The following SOX6 variants were observed in gnomAD, a reference collection of about 807,000 sequenced individuals.
SOX6 encodes the protein transcription factor SOX-6.
In SOX6, 11 loss-of-function variants were observed where a neutral mutation model predicts 97.8. That is an observed-to-expected ratio of 0.11 (90% CI 0.07 to 0.19). SOX6 has a LOEUF of 0.19. Among genes scored for constraint, SOX6 ranks in the 10% least tolerant of loss-of-function variants. The pLI is 1.00. For synonymous variants in SOX6, 360 were observed against 371.4 expected (o/e 0.97, Z 0.35); for missense variants, 810 against 1,039.5 (o/e 0.78, Z 3.04).
At chr11:16,239,369 A>C (rs1853117476) in intron 3 of SOX6, among the ~76,000 whole-genome samples, 1 of 152,058 alleles carries the variant, frequency 6.6e-6, no homozygotes. Context: ...ACAAGGGAGT[A>C]TAAATAGAGG....
chr11:16,056,503 T>C (rs1273787426), intron 9 of SOX6, among the ~76,000 whole-genome samples: 1 of 152,152 alleles, frequency 6.6e-6, no homozygotes, highest in South Asian at 2.1e-4. Context: ...TATGGCCAGA[T>C]TGGTAGCAGT....
chr11:16,350,871 C>T (rs971300405), intron 1 of SOX6, among the ~76,000 whole-genome samples: 8 of 152,006 alleles, frequency 5.3e-5, no homozygotes, highest in Admixed American at 5.2e-4. Context: ...CGTAGACAAT[C>T]AATACTATGG....
chr11:15,972,844 C>T lies in SOX6; in HGVS notation c.2452G>A (p.Glu818Lys). Residue 818 changes from glutamate to lysine, a missense_variant, in exon 16 of 16, where the codon GAA becomes AAA. Glu to Lys is a moderately conservative substitution (Grantham distance 56, BLOSUM62 1). Coordinates refer to ENST00000683767, the MANE Select transcript of SOX6 (RefSeq NM_001367873.1). ...CTGACAGCCTCCGGGGCTTCATTTTCACTGCTATAGTCTGATTTGGGGTCA... is the reference window on the plus strand; with the variant it reads ...CTGACAGCCTCCGGGGCTTCATTTTTACTGCTATAGTCTGATTTGGGGTCA... ...EDDPKSDYSSENEAPEAVSAN is the reference protein window; with the variant it reads ...EDDPKSDYSSKNEAPEAVSAN 1 of 1,614,200 alleles carries T rather than the reference C, an allele frequency of 6.2e-7. No homozygotes were observed. Among genetic ancestry groups the T allele is most frequent in the Non-Finnish European group, 8.5e-7 (1 of 1,180,020 alleles).
intron 3 of SOX6, among the ~76,000 whole-genome samples, chr11:16,662,501 A>G (rs1847773340): frequency 6.6e-6 from 1 of 152,228 alleles, no homozygotes; most frequent in Non-Finnish European, 1.5e-5. Flanking sequence ...ATCCTTAACA[A>G]AACATTGGCA....
At chr11:16,712,936 G>A (rs1848192528) in intron 3 of SOX6, among the ~76,000 whole-genome samples, 1 of 152,174 alleles carries the variant, frequency 6.6e-6, no homozygotes, top group South Asian at 2.1e-4. Flanking sequence ...AGGTGTGACT[G>A]ATTCCAAACA....
At chr11:16,098,269 T>C (rs565263222) in intron 7 of SOX6, among the ~76,000 whole-genome samples, 1 of 151,962 alleles carries the variant, frequency 6.6e-6, no homozygotes, top group East Asian at 1.9e-4. Flanking sequence ...AGAAACCATG[T>C]TTGTCTGGAT....
intron 12 of SOX6, among the ~76,000 whole-genome samples, chr11:16,023,542 TC>T: frequency 6.6e-6 from 1 of 152,298 alleles, no homozygotes; most frequent in East Asian, 1.9e-4. Flanking sequence ...TAGAGTGATC[TC>T]CTGGTCAGGG....
intron 4 of SOX6, among the ~76,000 whole-genome samples, chr11:16,608,788 T>C (rs1421215819): frequency 1.3e-5 from 2 of 152,212 alleles, no homozygotes; most frequent in Non-Finnish European, 2.9e-5. Context: ...ATTGTTATAC[T>C]GTTATATGGA....
At chr11:16,281,799 T>C (rs1854572254) in intron 3 of SOX6, among the ~76,000 whole-genome samples, 1 of 151,690 alleles carries the variant, frequency 6.6e-6, no homozygotes, top group South Asian at 2.1e-4. Context: ...GATTTTCCCA[T>C]GATGATACAC....
At chr11:16,228,043 CA>C (rs1446343502) in intron 4 of SOX6, among the ~76,000 whole-genome samples, 1 of 151,904 alleles carries the variant, frequency 6.6e-6, no homozygotes, top group Admixed American at 6.6e-5. Context: ...ACTAAAAATA[CA>C]AAAACTAGCC....
In SOX6 at chr11:16,674,144, C is replaced by T. The variant is rs530667287; in HGVS notation, n.429+40686G>A. Among the ~76,000 whole-genome samples, 205 of 139,306 alleles carry T rather than the reference C, an allele frequency of 1.5e-3. 1 individual carries two copies. Among genetic ancestry groups the T allele is most frequent in the African/African-American group, 3.6e-3 (134 of 37,276 alleles). 91.4% of individuals were successfully genotyped at this position (139,306 alleles called of 152,430 possible). ...GGTGGAGCTTGCAGTGAGTCGAGAT[C>T]GTGCCACTGCACTCCAGCCTGGGCG... On this transcript the variant is annotated intron_variant and non_coding_transcript_variant, in intron 3 of 5. Transcript: ENST00000524520.
chr11:16,451,619 G>A (rs1057412920), intron 1 of SOX6, among the ~76,000 whole-genome samples: 6 of 152,112 alleles, frequency 3.9e-5, no homozygotes, highest in African/African-American at 1.4e-4. Flanking sequence ...TAAAATAAGA[G>A]CCCTACTAAC....
chr11:16,660,528 C>T (rs1045745904), intron 3 of SOX6, among the ~76,000 whole-genome samples: 4 of 152,140 alleles, frequency 2.6e-5, no homozygotes, highest in South Asian at 2.1e-4. Context: ...TAGGTGAATG[C>T]TCTATGTGAG....
Position 15,967,536 on chromosome 11 carries a change from C to T in SOX6, c.*5273G>A, listed in dbSNP as rs1853173276. On this transcript the variant is annotated 3_prime_UTR_variant, in exon 16 of 16. Transcript: ENST00000683767. ...CTTGTCTAAGGTAATAAAAATTTTACATGGCAAATACAATAATGAATGAAC... is the reference window on the plus strand; with the variant it reads ...CTTGTCTAAGGTAATAAAAATTTTATATGGCAAATACAATAATGAATGAAC... 6.6e-6 allele frequency: 1 copy of T among 152,306 alleles called. No homozygotes were observed. The highest frequency in any genetic ancestry group is 1.9e-4 in the East Asian group (1 of 5,188). The allele number at this position is 152,306 out of a possible 1,614,324, so 9.4% of individuals were successfully genotyped here. A position where few individuals can be genotyped will look rare whatever the true frequency, so the allele number is the denominator to read the frequency against.
At chr11:16,668,836 G>A (rs1406403587) in intron 3 of SOX6, among the ~76,000 whole-genome samples, 1 of 152,074 alleles carries the variant, frequency 6.6e-6, no homozygotes, top group East Asian at 1.9e-4. Context: ...GGGTCAACGA[G>A]GATAAACAAT....
intron 3 of SOX6, among the ~76,000 whole-genome samples, chr11:16,650,095 T>C (rs1172933797): frequency 3.9e-5 from 6 of 152,070 alleles, no homozygotes; most frequent in Non-Finnish European, 8.8e-5. Flanking sequence ...CAAGCCTAAA[T>C]ACATATGCAC....
At chr11:16,228,629 C>T (rs1015614746) in intron 4 of SOX6, among the ~76,000 whole-genome samples, 2 of 152,058 alleles carry the variant, frequency 1.3e-5, no homozygotes, top group Non-Finnish European at 2.9e-5. Context: ...GTGCTGCATG[C>T]TGTAAATCTG....
intron 3 of SOX6, among the ~76,000 whole-genome samples, chr11:16,626,260 T>A (rs1848622301): frequency 6.6e-6 from 1 of 152,180 alleles, no homozygotes; most frequent in Non-Finnish European, 1.5e-5. Context: ...CAGGCGAAGC[T>A]CATTTTTTTT....
chr11:16,357,680 G>T (rs7127006), upstream of SOX6, among the ~76,000 whole-genome samples: 2 of 151,960 alleles, frequency 1.3e-5, no homozygotes, highest in Non-Finnish European at 2.9e-5. Flanking sequence ...GACAGCCTTC[G>T]CTGTGTGTTA....
Sources: allele counts gnomAD v4.1 joint callset (sites outside exome capture counted in the v4.1 genomes callset), GRCh38; gene constraint gnomAD v4.1.1; transcripts MANE v1.5; gene names NCBI Gene and HGNC (gene_info 2026-07-23, HGNC 2026-07-21).